VPS41: variants seen among roughly 807,000 people sequenced by gnomAD.
VPS41 encodes vacuolar protein sorting-associated protein 41 homolog.
VPS41 carries 85 observed loss-of-function variants against 130.9 expected under a neutral mutation model. That is an observed-to-expected ratio of 0.65 (90% CI 0.55 to 0.78). The LOEUF is 0.78. VPS41 is among the 30% of genes least tolerant of loss of function. The probability of loss-of-function intolerance (pLI) is 0.00; values close to 1 mark genes in which losing one functional copy is unlikely to be tolerated. For synonymous variants in VPS41, 335 were observed against 332.9 expected (o/e 1.01, Z -0.07); for missense variants, 874 against 1,018.7 (o/e 0.86, Z 1.93).
intron 6 of VPS41, 115 bp from the exon 7 acceptor site, chr7:38,817,997 G>A: frequency 1.3e-6 from 1 of 769,730 alleles, no homozygotes; most frequent in Non-Finnish European, 2.3e-6. Flanking sequence ...AACCTTGGTA[G>A]GAAGTAATAT....
At chr7:38,779,391 G>T (rs535971558) in intron 10 of VPS41, among the ~76,000 whole-genome samples, 1 of 152,132 alleles carries the variant, frequency 6.6e-6, no homozygotes, top group Non-Finnish European at 1.5e-5. Flanking sequence ...AAACAAAATT[G>T]CAATTATAGT....
At chr7:38,819,075 A>G (rs1420642581) in intron 6 of VPS41, among the ~76,000 whole-genome samples, 1 of 152,208 alleles carries the variant, frequency 6.6e-6, no homozygotes, top group African/African-American at 2.4e-5. Flanking sequence ...CTCGTAATGC[A>G]TAACTGTAGA....
chr7:38,781,332 A>G (rs1394756819), intron 10 of VPS41, among the ~76,000 whole-genome samples: 1 of 152,252 alleles, frequency 6.6e-6, no homozygotes, highest in Non-Finnish European at 1.5e-5. Context: ...TAACAGCTAC[A>G]GTGGCTAATG....
intron 7 of VPS41, among the ~76,000 whole-genome samples, chr7:38,804,076 C>A (rs1186679246): frequency 6.6e-6 from 1 of 152,136 alleles, no homozygotes; most frequent in Non-Finnish European, 1.5e-5. Flanking sequence ...AATGTTGGTA[C>A]GACGGAAAAC....
At chr7:38,888,712 A>G (rs1360721701) in intron 2 of VPS41, among the ~76,000 whole-genome samples, 1 of 152,208 alleles carries the variant, frequency 6.6e-6, no homozygotes, top group Non-Finnish European at 1.5e-5. Flanking sequence ...CCCCAAATCA[A>G]CAGAATATAC....
intron 9 of VPS41, among the ~76,000 whole-genome samples, chr7:38,793,308 T>C (rs1170105094): frequency 1.3e-5 from 2 of 152,194 alleles, no homozygotes; most frequent in African/African-American, 2.4e-5. Flanking sequence ...AAGTAAATGG[T>C]AAGGTCCAAT....
intron 10 of VPS41, among the ~76,000 whole-genome samples, chr7:38,783,324 C>T (rs1784385877): frequency 6.6e-6 from 1 of 152,044 alleles, no homozygotes; most frequent in Non-Finnish European, 1.5e-5. Context: ...ATCACAAGGT[C>T]AGGAGCTCAA....
chr7:38,900,175 C>G (rs1019065), intron 1 of VPS41, among the ~76,000 whole-genome samples: 1 of 151,938 alleles, frequency 6.6e-6, no homozygotes, highest in Non-Finnish European at 1.5e-5. Context: ...AAGAATCACT[C>G]GAGCCCAGCA....
intron 19 of VPS41, among the ~76,000 whole-genome samples, chr7:38,755,331 C>T (rs1247494655): frequency 2.0e-5 from 3 of 152,180 alleles, no homozygotes; most frequent in Non-Finnish European, 2.9e-5. Context: ...CTTCCAGCTA[C>T]TTCAACCTCG....
chr7:38,749,940 G>A (rs925088860), intron 22 of VPS41, among the ~76,000 whole-genome samples: 4 of 152,180 alleles, frequency 2.6e-5, no homozygotes, highest in African/African-American at 7.2e-5. Flanking sequence ...ATAGCTTACT[G>A]TAACCTCAAA....
chr7:38,859,292 G>A (rs1343766022), intron 4 of VPS41, among the ~76,000 whole-genome samples: 1 of 152,096 alleles, frequency 6.6e-6, no homozygotes, highest in Admixed American at 6.6e-5. Flanking sequence ...TATTAGTGGA[G>A]AAAGAAAATG....
At chr7:38,733,000 G>A (rs1406074229) in intron 25 of VPS41, among the ~76,000 whole-genome samples, 1 of 152,012 alleles carries the variant, frequency 6.6e-6, no homozygotes, top group African/African-American at 2.4e-5. Context: ...GCTAATTTAT[G>A]TATTTTTAGT....
At chr7:38,735,827 C>T (rs1180677011) in intron 25 of VPS41, among the ~76,000 whole-genome samples, 1 of 152,140 alleles carries the variant, frequency 6.6e-6, no homozygotes, top group African/African-American at 2.4e-5. Flanking sequence ...TAAGAAGACA[C>T]CCATCAGTGT....
intron 14 of VPS41, among the ~76,000 whole-genome samples, chr7:38,769,920 G>C (rs73368223): frequency 0.05 from 7,555 of 152,232 alleles, 640 homozygotes; most frequent in African/African-American, 0.17. Flanking sequence ...CAAGAGAGAA[G>C]CAAGCTCTTA....
In VPS41 at chr7:38,898,576, A is replaced by G. The variant is rs1787066846; in HGVS notation, c.22-447T>C. Among the ~76,000 whole-genome samples, 6 of 152,358 alleles carry G rather than the reference A, an allele frequency of 3.9e-5. 1 individual carries two copies. The South Asian group carries it at 1.2e-3, about 32-fold the overall frequency. On this transcript the variant is annotated intron_variant, in intron 1 of 28. Transcript: ENST00000310301. ...GAGTTAAAATGACTGTCTTGCTAAA[A>G]TAGCTTTTTAAAAGAATCTCCTACA...
chr7:38,843,468 G>T (rs1197032540), intron 4 of VPS41, among the ~76,000 whole-genome samples: 1 of 151,812 alleles, frequency 6.6e-6, no homozygotes. Flanking sequence ...GGATAACGAG[G>T]TCAGAAGATC....
rs58105814 is a variant in VPS41, at chr7:38,723,723, C to CAAAAAAAAAAAAAAAAAAAAAAAAAAAAA, written c.*2494_*2522dup. The CAAAAAAAAAAAAAAAAAAAAAAAAAAAAA allele has an allele frequency of 5.1e-5, 2 of 38,866 alleles. No homozygotes were observed. Among genetic ancestry groups the CAAAAAAAAAAAAAAAAAAAAAAAAAAAAA allele is most frequent in the African/African-American group, 9.8e-5 (1 of 10,154 alleles). The allele number at this position is 38,866 out of a possible 1,614,324, so 2.4% of individuals were successfully genotyped here. ...AAGGCAACAGAACGAGACTCCATCT[C>CAAAAAAAAAAAAAAAAAAAAAAAAAAAAA]AAAAAAAAAAAAAAAAAAAAAAAAA... On this transcript the variant is annotated 3_prime_UTR_variant, in exon 29 of 29. Coordinates refer to ENST00000310301, the MANE Select transcript of VPS41 (RefSeq NM_014396.4).
chr7:38,838,601 T>C (rs1387628803), intron 4 of VPS41, among the ~76,000 whole-genome samples: 1 of 152,126 alleles, frequency 6.6e-6, no homozygotes, highest in Non-Finnish European at 1.5e-5. Flanking sequence ...CTATAGAACA[T>C]ACAAAAATGT....
At chr7:38,877,348 G>A (rs1786513674) in intron 2 of VPS41, among the ~76,000 whole-genome samples, 1 of 152,076 alleles carries the variant, frequency 6.6e-6, no homozygotes, top group Non-Finnish European at 1.5e-5. Flanking sequence ...GTAAAAGGGG[G>A]AGCAGGGAGG....
Sources: gnomAD v4.1 joint callset for allele counts (sites outside exome capture counted in the v4.1 genomes callset) on GRCh38, gnomAD v4.1.1 for gene constraint, MANE v1.5 for transcripts, NCBI Gene and HGNC (gene_info 2026-07-23, HGNC 2026-07-21) for gene names.